PDZRN3: variants seen among roughly 807,000 people sequenced by gnomAD.
PDZRN3 encodes E3 ubiquitin-protein ligase PDZRN3.
PDZRN3 carries 38 observed loss-of-function variants against 85.7 expected under a neutral mutation model. The ratio of observed to expected loss-of-function variants is 0.44; its 90% CI spans 0.34 to 0.58. The LOEUF (loss-of-function observed/expected upper bound fraction) is 0.58, where lower values mean the gene tolerates loss of function less well. Ranked by LOEUF, PDZRN3 falls within the 20% of genes least tolerant of loss-of-function variation. The pLI, the probability that PDZRN3 is intolerant of heterozygous loss-of-function variation, is 0.01. For synonymous variants in PDZRN3, 759 were observed against 638.0 expected (o/e 1.19, Z -2.86); for missense variants, 1,629 against 1,506.4 (o/e 1.08, Z -1.35).
intron 3 of PDZRN3, among the ~76,000 whole-genome samples, chr3:73,480,077 A>G (rs1207818565): frequency 6.6e-6 from 1 of 152,174 alleles, no homozygotes; most frequent in African/African-American, 2.4e-5. Flanking sequence ...GTAGGACCTG[A>G]GGCCAGGGTC....
At chr3:73,574,586 G>A (rs908407927) in intron 3 of PDZRN3, among the ~76,000 whole-genome samples, 2 of 152,042 alleles carry the variant, frequency 1.3e-5, no homozygotes, top group South Asian at 4.1e-4. Flanking sequence ...AGCCTCCCAA[G>A]TAGCTGGGAT....
chr3:73,464,870 G>T (rs1218907741), intron 3 of PDZRN3, among the ~76,000 whole-genome samples: 1 of 151,876 alleles, frequency 6.6e-6, no homozygotes, highest in East Asian at 1.9e-4. Flanking sequence ...TTTTTGTGGT[G>T]AGAATACTTA....
At chr3:73,578,187 G>C (rs1000586795) in intron 3 of PDZRN3, among the ~76,000 whole-genome samples, 1 of 138,390 alleles carries the variant, frequency 7.2e-6, no homozygotes, top group Non-Finnish European at 1.5e-5. Flanking sequence ...TTTTTGAGAC[G>C]GAGTCTCGCT....
At chr3:73,478,557 GTAA>G (rs751778279) in intron 3 of PDZRN3, among the ~76,000 whole-genome samples, 316 of 150,774 alleles carry the variant, frequency 2.1e-3, no homozygotes, top group Non-Finnish European at 2.4e-3. Flanking sequence ...TAATAATAAT[GTAA>G]TAATAATAAT....
chr3:73,397,965 C>A (rs1401894582), intron 5 of PDZRN3, among the ~76,000 whole-genome samples: 1 of 152,120 alleles, frequency 6.6e-6, no homozygotes, highest in African/African-American at 2.4e-5. Context: ...GGCTTGTGAG[C>A]TCCTTAAGGG....
rs1249743503 is a variant in PDZRN3 at position 73,391,385 on chromosome 3, C to T, written c.1255-269G>A. ...GAAAAATTACCCATATTTCACTCAGCGTCAAGACTTCTGGGGCAGGGCTTT... is the reference window on the plus strand; with the variant it reads ...GAAAAATTACCCATATTTCACTCAGTGTCAAGACTTCTGGGGCAGGGCTTT... On this transcript the variant is annotated intron_variant, in intron 5 of 9. Transcript: ENST00000263666. Among the ~76,000 whole-genome samples, 12 of 152,290 alleles carry T rather than the reference C, an allele frequency of 7.9e-5. No homozygotes were observed. In the East Asian group the frequency reaches 1.5e-3, roughly 20 times the overall value.
intron 3 of PDZRN3, among the ~76,000 whole-genome samples, chr3:73,451,295 A>T (rs1195244175): frequency 6.6e-6 from 1 of 152,144 alleles, no homozygotes; most frequent in Admixed American, 6.5e-5. Flanking sequence ...CTGCTAATAA[A>T]TGATTGGTAC....
intron 3 of PDZRN3, among the ~76,000 whole-genome samples, chr3:73,468,751 C>T (rs1203016229): frequency 6.6e-6 from 1 of 152,166 alleles, no homozygotes; most frequent in African/African-American, 2.4e-5. Flanking sequence ...TGCAAAAGTG[C>T]ACCAGAGGTT....
intron 3 of PDZRN3, among the ~76,000 whole-genome samples, chr3:73,591,570 C>T (rs1464373948): frequency 6.6e-6 from 1 of 152,144 alleles, no homozygotes; most frequent in African/African-American, 2.4e-5. Context: ...TGTTGGCTTG[C>T]TGGAAACCTC....
chr3:73,420,389 G>T (rs1214957478), intron 3 of PDZRN3, among the ~76,000 whole-genome samples: 1 of 152,176 alleles, frequency 6.6e-6, no homozygotes, highest in Non-Finnish European at 1.5e-5. Flanking sequence ...GACCACTGCA[G>T]TCCTGCCAGT....
In PDZRN3 at chr3:73,384,359, C is replaced by T. The variant is rs557175032; in HGVS notation, c.2207G>A (p.Arg736His). ...FRNYNTSIDVRRHELSDITEL... is the reference protein window; with the variant it reads ...FRNYNTSIDVHRHELSDITEL... ...GGTGATATCTGAGAGCTCGTGTCTGCGCACGTCGATGCTGGTGTTGTAGTT... is the reference window on the plus strand; with the variant it reads ...GGTGATATCTGAGAGCTCGTGTCTGTGCACGTCGATGCTGGTGTTGTAGTT... The change falls in exon 10 of 10, where the codon CGC becomes CAC. Residue 736 changes from arginine to histidine, a missense_variant. Arg to His is a conservative substitution (Grantham distance 29). Transcript: ENST00000263666. The T allele has an allele frequency of 1.4e-5, 23 of 1,609,458 alleles. No homozygotes were observed. In the East Asian group the frequency reaches 2.2e-4, roughly 16 times the overall value.
intron 8 of PDZRN3, among the ~76,000 whole-genome samples, chr3:73,386,346 G>A (rs1407732708): frequency 5.4e-5 from 8 of 149,252 alleles, no homozygotes; most frequent in Non-Finnish European, 1.2e-4. Context: ...CAGGCAATGC[G>A]CCACTATGCC....
At chr3:73,418,739 T>C (rs894514761) in intron 3 of PDZRN3, among the ~76,000 whole-genome samples, 1 of 152,178 alleles carries the variant, frequency 6.6e-6, no homozygotes. Flanking sequence ...GTTAGTTACA[T>C]GGTAGTGTTG....
intron 3 of PDZRN3, among the ~76,000 whole-genome samples, chr3:73,530,831 C>T (rs1193799166): frequency 6.6e-6 from 1 of 152,166 alleles, no homozygotes; most frequent in Non-Finnish European, 1.5e-5. Context: ...ATTGACAACT[C>T]TTCTGTTACT....
At chr3:73,426,998 G>A (rs1042922640) in intron 3 of PDZRN3, among the ~76,000 whole-genome samples, 9 of 151,942 alleles carry the variant, frequency 5.9e-5, no homozygotes, top group Admixed American at 3.9e-4. Context: ...TTTCACTTCC[G>A]CATAATTTTG....
At chr3:73,434,024 A>G (rs1702485127) in intron 3 of PDZRN3, 1 of 996,648 alleles carries the variant, frequency 1.0e-6, no homozygotes, top group Non-Finnish European at 1.3e-6. Context: ...CACGCTATAT[A>G]TACTGCTGCT....
Position 73,387,992 on chromosome 3 carries a change from C to T in PDZRN3, c.1494G>A (p.Leu498=), listed in dbSNP as rs753397791. 8 of 1,484,986 alleles carry T rather than the reference C, an allele frequency of 5.4e-6. No individual in the cohort carries two copies. The highest frequency in any genetic ancestry group is 7.3e-6 in the Non-Finnish European group (8 of 1,095,788). The allele number at this position is 1,484,986 out of a possible 1,614,324, so 92.0% of individuals were successfully genotyped here. ...LTSEENKNFS[L]LIARPELQLD... ...CCTGGAGTTCAGGCCTTGCAATCAG[C>T]AATGAAAAGTTTTTATTTTCTTCAC... The change falls in exon 8 of 10, where the codon TTG becomes TTA. Residue 498 remains leucine, a synonymous_variant. Transcript: ENST00000263666.
chr3:73,464,490 G>C (rs1477859274), intron 3 of PDZRN3, among the ~76,000 whole-genome samples: 3 of 152,108 alleles, frequency 2.0e-5, no homozygotes, highest in African/African-American at 4.8e-5. Context: ...TCTCACATAA[G>C]CTCTAAACTC....
chr3:73,557,662 TGCCATTC>T (rs1701730890), intron 3 of PDZRN3, among the ~76,000 whole-genome samples: 1 of 95,986 alleles, frequency 1.0e-5, no homozygotes, highest in Non-Finnish European at 2.3e-5. Context: ...TCTGCCATTC[TGCCATTC>T]ACTATTTAAA....
Sources: allele counts gnomAD v4.1 joint callset (sites outside exome capture counted in the v4.1 genomes callset), GRCh38; gene constraint gnomAD v4.1.1; transcripts MANE v1.5; gene names NCBI Gene and HGNC (gene_info 2026-07-23, HGNC 2026-07-21).